Variants in SLC14A2 observed in about 807,000 individuals in gnomAD.
SLC14A2 encodes solute carrier family 14 member 2, also known as urea transporter 2.
Under a neutral mutation model 104.6 loss-of-function variants are expected in SLC14A2, and 91 were observed. That is an observed-to-expected ratio of 0.87 (90% CI 0.73 to 1.04). The LOEUF is 1.04. SLC14A2 is among the 50% of genes least tolerant of loss of function. SLC14A2 has a pLI of 0.00. For synonymous variants in SLC14A2, 476 were observed against 466.4 expected (o/e 1.02, Z -0.27); for missense variants, 1,189 against 1,156.0 (o/e 1.03, Z -0.41).
rs370429148 is a variant in SLC14A2 at position 45,256,508 on chromosome 18, C to A, written c.-125+43317C>A. On this transcript the variant is annotated intron_variant, in intron 1 of 20. Coordinates refer to the SLC14A2 transcript ENST00000586448. The stretch of plus-strand genomic sequence containing the variant: ...TGCCTCTCCTTCTCTGTGATTCTTA[C>A]AACTCCAATGCCTCATTCCCTCTTA... Among the ~76,000 whole-genome samples, 22 of 152,336 alleles carry A rather than the reference C, an allele frequency of 1.4e-4. No homozygotes were observed. The East Asian group carries it at 2.9e-3, about 20-fold the overall frequency.
chr18:45,651,708 T>C (rs993396166), intron 10 of SLC14A2, among the ~76,000 whole-genome samples: 8 of 152,186 alleles, frequency 5.3e-5, no homozygotes, highest in Admixed American at 2.6e-4. Flanking sequence ...TGTGATTCTA[T>C]GGCCCTGAGT....
intron 2 of SLC14A2, among the ~76,000 whole-genome samples, chr18:45,590,291 C>T (rs2044629698): frequency 6.6e-6 from 1 of 152,122 alleles, no homozygotes; most frequent in Non-Finnish European, 1.5e-5. Flanking sequence ...TGCTGGCTCT[C>T]CTTGCCTCAG....
At position 45,660,549 on chromosome 18, in the gene SLC14A2, T is replaced by A. The variant is rs1005516631; in HGVS notation, c.1352-3236T>A. Among the ~76,000 whole-genome samples the A allele has an allele frequency of 2.0e-5, 3 of 152,214 alleles. No individual in the cohort carries two copies. In the South Asian group the frequency reaches 6.2e-4, roughly 32 times the overall value. The stretch of plus-strand genomic sequence containing the variant: ...ATGGCAGGTACCCCTCTGAGATATC[T>A]GTCATCATTTACAGTTTGGGTTTGC... On this transcript the variant is annotated intron_variant, in intron 10 of 19. Coordinates refer to ENST00000255226, the MANE Select transcript of SLC14A2 (RefSeq NM_007163.4).
chr18:45,414,757 A>AAAATATATATATATATATATAT (rs1360051908), intron 1 of SLC14A2, among the ~76,000 whole-genome samples: 4 of 76,108 alleles, frequency 5.3e-5, no homozygotes, highest in African/African-American at 1.5e-4. Flanking sequence ...AAAAAAAAAA[A>AAAATATATATATATATATATAT]ATATATATAT....
chr18:45,192,903 C>T, the SLC14A2 span, among the ~76,000 whole-genome samples: 4 of 152,020 alleles, frequency 2.6e-5, no homozygotes, highest in East Asian at 3.9e-4. Flanking sequence ...TTATCCATCA[C>T]CCTGACCTCC....
intron 2 of SLC14A2, among the ~76,000 whole-genome samples, chr18:45,500,501 C>T (rs1168973422): frequency 7.0e-6 from 1 of 142,062 alleles, no homozygotes; most frequent in Non-Finnish European, 1.5e-5. Context: ...GGCGTGAACC[C>T]GGGAGGCGGA....
At chr18:45,607,753 G>T (rs549441254) in intron 2 of SLC14A2, among the ~76,000 whole-genome samples, 3 of 152,362 alleles carry the variant, frequency 2.0e-5, no homozygotes, top group Admixed American at 6.5e-5. Context: ...TAATGAGACT[G>T]CAGTCAAGAT....
rs1236554724 is a variant in SLC14A2 at position 45,273,562 on chromosome 18, C to CT, written c.-125+60377dup. On this transcript the variant is annotated intron_variant, in intron 1 of 20. Coordinates refer to the SLC14A2 transcript ENST00000586448. Reference sequence around the variant, plus strand: ...AAATACTTCTACACTCTAGACTTGACTTTTTTCTGATAATGTGTGTGTATT... The same window carrying CT: ...AAATACTTCTACACTCTAGACTTGACTTTTTTTCTGATAATGTGTGTGTATT... Among the ~76,000 whole-genome samples, 240 of 152,208 alleles carry CT rather than the reference C, an allele frequency of 1.6e-3. 1 individual carries two copies. Among genetic ancestry groups the CT allele is most frequent in the Non-Finnish European group, 4.7e-4 (32 of 68,004 alleles).
intron 1 of SLC14A2, among the ~76,000 whole-genome samples, chr18:45,241,262 A>G (rs1489994242): frequency 2.0e-5 from 3 of 152,172 alleles, no homozygotes; most frequent in Non-Finnish European, 4.4e-5. Context: ...GCCACTGGAC[A>G]TGTTTTCAGA....
At chr18:45,642,812 A>G (rs1169770135) in intron 8 of SLC14A2, among the ~76,000 whole-genome samples, 3 of 152,232 alleles carry the variant, frequency 2.0e-5, no homozygotes, top group Non-Finnish European at 4.4e-5. Context: ...CGCTACCATC[A>G]GCGTAGACTA....
At chr18:45,537,523 G>A (rs2043812855) in intron 2 of SLC14A2, among the ~76,000 whole-genome samples, 1 of 152,196 alleles carries the variant, frequency 6.6e-6, no homozygotes. Flanking sequence ...GTGTTCCCTG[G>A]GAAGTGAGCA....
intron 10 of SLC14A2, 74 bp from the exon 11 acceptor site, chr18:45,663,711 C>G: frequency 6.5e-7 from 1 of 1,534,338 alleles, no homozygotes; most frequent in Non-Finnish European, 8.8e-7. Flanking sequence ...TGTGATTTTT[C>G]CCAGCTCTCT....
At chr18:45,401,953 C>T (rs953978341) in intron 1 of SLC14A2, among the ~76,000 whole-genome samples, 3 of 152,146 alleles carry the variant, frequency 2.0e-5, no homozygotes, top group South Asian at 2.1e-4. Flanking sequence ...AAGGTAACTG[C>T]GTTGACATCC....
Position 45,356,535 on chromosome 18 carries a change from G to A in SLC14A2, c.-124-126698G>A, listed in dbSNP as rs562893075. On this transcript the variant is annotated intron_variant, in intron 1 of 20. Coordinates refer to the SLC14A2 transcript ENST00000586448. ...ATTGGACTAATGAGATACGGGAAAC[G>A]ATGTGGGAAGTGATCGAACCTGAGA... Among the ~76,000 whole-genome samples the A allele has an allele frequency of 1.5e-4, 23 of 152,298 alleles. No individual in the cohort carries two copies. In the South Asian group the frequency reaches 3.3e-3, roughly 22 times the overall value.
Position 45,459,184 on chromosome 18 carries a change from C to A in SLC14A2, c.-124-24049C>A, listed in dbSNP as rs189141239. On this transcript the variant is annotated intron_variant, in intron 1 of 20. Transcript: ENST00000586448. Reference sequence around the variant, plus strand: ...TTGGAGATAGTCATTTGCCCTTCACCACCGCCTGCCAGGGATCCCCTTTCC... The same window carrying A: ...TTGGAGATAGTCATTTGCCCTTCACAACCGCCTGCCAGGGATCCCCTTTCC... Among the ~76,000 whole-genome samples, 682 of 152,266 alleles carry A rather than the reference C, an allele frequency of 4.5e-3. 6 individuals carry two copies. Among genetic ancestry groups the A allele is most frequent in the Non-Finnish European group, 7.9e-3 (536 of 68,016 alleles).
chr18:45,226,222 G>A (rs2084115012), intron 1 of SLC14A2, among the ~76,000 whole-genome samples: 1 of 152,162 alleles, frequency 6.6e-6, no homozygotes, highest in Admixed American at 6.5e-5. Context: ...CTGTTGGTGG[G>A]ACTGTAAACT....
chr18:45,425,246 A>G (rs1437813105), intron 1 of SLC14A2, among the ~76,000 whole-genome samples: 1 of 152,236 alleles, frequency 6.6e-6, no homozygotes, highest in Non-Finnish European at 1.5e-5. Context: ...TTATTTTAAG[A>G]TGGCCTTCCA....
At chr18:45,630,208 G>A (rs1431719892) in intron 4 of SLC14A2, among the ~76,000 whole-genome samples, 4 of 152,124 alleles carry the variant, frequency 2.6e-5, no homozygotes, top group African/African-American at 9.7e-5. Flanking sequence ...CTTTGTTGCT[G>A]ACAGGTCAGT....
At chr18:45,199,074 A>G in the SLC14A2 span, among the ~76,000 whole-genome samples, 9 of 152,186 alleles carry the variant, frequency 5.9e-5, no homozygotes, top group Admixed American at 4.6e-4. Context: ...TTTTACAATT[A>G]CTCTTGAAGG....
Sources: gnomAD v4.1 joint callset for allele counts (sites outside exome capture counted in the v4.1 genomes callset) on GRCh38, gnomAD v4.1.1 for gene constraint, MANE v1.5 for transcripts, NCBI Gene and HGNC (gene_info 2026-07-23, HGNC 2026-07-21) for gene names.